The following NEMP2 variants were observed in gnomAD, a reference collection of about 807,000 sequenced individuals.
NEMP2 encodes the protein nuclear envelope integral membrane protein 2.
NEMP2 carries 53 observed loss-of-function variants against 54.2 expected under a neutral mutation model. The observed-to-expected ratio is 0.98, with a 90% confidence interval of 0.78 to 1.23. The LOEUF is 1.23. Among genes scored for constraint, NEMP2 ranks in the 50% most tolerant of loss-of-function variants. NEMP2 has a pLI of 0.00. For missense variants in NEMP2, 455 were observed against 511.3 expected (o/e 0.89, Z 1.06); for synonymous variants, 197 against 190.3 (o/e 1.04, Z -0.29).
rs1690413586 is a variant in NEMP2, at chr2:190,512,797, A to G, written c.953+1656T>C. Among the ~76,000 whole-genome samples the G allele has an allele frequency of 6.6e-6, 1 of 152,048 alleles. No individual in the cohort carries two copies. The highest frequency in any genetic ancestry group is 6.5e-5 in the Admixed American group (1 of 15,272). On this transcript the variant is annotated intron_variant, in intron 7 of 8. Coordinates refer to ENST00000409150, the MANE Select transcript of NEMP2 (RefSeq NM_001142645.2). This position sits in a 1 kb window ranked among gnomAD's most constrained non-coding sequence, Gnocchi z 4.5. ...CCTCGGGCAGATGGGGCAAAGAGAG[A>G]CCCAGTCAGCATCAACCCTCCAACC...
Position 190,530,490 on chromosome 2 carries a change from G to C in NEMP2, c.97+4069C>G, listed in dbSNP as rs1439051188. 1.3e-5 allele frequency among the ~76,000 whole-genome samples: 2 copies of C among 152,166 alleles called. No homozygotes were observed. Among genetic ancestry groups the C allele is most frequent in the African/African-American group, 4.8e-5 (2 of 41,418 alleles). ...CTTCAAGTCAGTTCATTAAGCCACG[G>C]GCTATTTGGACTAGGCAAAAGACAG... On this transcript the variant is annotated intron_variant, in intron 1 of 8. Transcript: ENST00000409150. The surrounding 1 kb of genome is among the most constrained non-coding windows in gnomAD (Gnocchi z 4.6).
chr2:190,501,467 G>A (rs1430485975), downstream of NEMP2: 1 of 152,138 alleles, frequency 6.6e-6, no homozygotes, highest in Admixed American at 6.6e-5. Flanking sequence ...TCAAAGCAGA[G>A]GTTAACAGGA....
At chr2:190,636,945 T>C in the NEMP2 span, among the ~76,000 whole-genome samples, 2 of 152,172 alleles carry the variant, frequency 1.3e-5, no homozygotes, top group African/African-American at 4.8e-5. Context: ...CTTAAATCTT[T>C]TCGATGGCTC....
At chr2:190,428,703 G>C in the NEMP2 span, among the ~76,000 whole-genome samples, 4 of 151,450 alleles carry the variant, frequency 2.6e-5, no homozygotes, top group Non-Finnish European at 5.9e-5. Flanking sequence ...AGACAGAGTT[G>C]CACTCTTTCA....
At chr2:190,553,773 C>T in the NEMP2 span, among the ~76,000 whole-genome samples, 3 of 152,242 alleles carry the variant, frequency 2.0e-5, no homozygotes, top group Admixed American at 6.5e-5. Flanking sequence ...CTGAGTGCTC[C>T]GAGAGGCAGA....
chr2:190,431,038 G>A, the NEMP2 span, among the ~76,000 whole-genome samples: 13 of 116,092 alleles, frequency 1.1e-4, no homozygotes, highest in Non-Finnish European at 1.4e-4. The surrounding 1 kb of genome is among the most constrained non-coding windows in gnomAD (Gnocchi z 4.4). Flanking sequence ...GGTCGCGGCC[G>A]GGCAGAGGCG....
the NEMP2 span, among the ~76,000 whole-genome samples, chr2:190,600,305 CAGTAG>C: frequency 5.3e-5 from 8 of 152,124 alleles, no homozygotes; most frequent in African/African-American, 1.9e-4. The surrounding 1 kb of genome is among the most constrained non-coding windows in gnomAD (Gnocchi z 4.9). Flanking sequence ...AAAGGGGACT[CAGTAG>C]AGTAGAGTAC....
At chr2:190,638,712 G>T in the NEMP2 span, among the ~76,000 whole-genome samples, 6 of 152,306 alleles carry the variant, frequency 3.9e-5, no homozygotes, top group Non-Finnish European at 7.4e-5. This position sits in a 1 kb window ranked among gnomAD's most constrained non-coding sequence, Gnocchi z 5.7. Flanking sequence ...GGTGAGGGCA[G>T]CTTTGAGTGG....
the NEMP2 span, among the ~76,000 whole-genome samples, chr2:190,457,529 G>A: frequency 6.6e-6 from 1 of 152,160 alleles, no homozygotes; most frequent in Non-Finnish European, 1.5e-5. This position sits in a 1 kb window ranked among gnomAD's most constrained non-coding sequence, Gnocchi z 5.1. Context: ...GATAGCAGTT[G>A]CTGGGATCTA....
At chr2:190,561,282 C>T in the NEMP2 span, among the ~76,000 whole-genome samples, 2 of 152,196 alleles carry the variant, frequency 1.3e-5, no homozygotes, top group Non-Finnish European at 2.9e-5. The surrounding 1 kb of genome is among the most constrained non-coding windows in gnomAD (Gnocchi z 5.4). Context: ...TTAACCCTGT[C>T]TCAGATAGGG....
At chr2:190,459,351 CTT>C in the NEMP2 span, among the ~76,000 whole-genome samples, 1 of 152,178 alleles carries the variant, frequency 6.6e-6, no homozygotes, top group Non-Finnish European at 1.5e-5. This position sits in a 1 kb window ranked among gnomAD's most constrained non-coding sequence, Gnocchi z 5.3. Context: ...AAGTAAAACT[CTT>C]GAGGCCTTTT....
chr2:190,476,871 G>C, the NEMP2 span, among the ~76,000 whole-genome samples: 1 of 152,052 alleles, frequency 6.6e-6, no homozygotes, highest in Admixed American at 6.5e-5. Flanking sequence ...GTACTATGCA[G>C]CCATAAAAAA....
In NEMP2 at chr2:190,519,303, C is replaced by A; in HGVS notation, c.214-120G>T. ...GTGGCAGGATCTCTGCTCACTGCAACCTGTGCCTCCAGGGCTCAGGTGACC... is the reference window on the plus strand; with the variant it reads ...GTGGCAGGATCTCTGCTCACTGCAAACTGTGCCTCCAGGGCTCAGGTGACC... On this transcript the variant is annotated intron_variant, in intron 2 of 8. Transcript: ENST00000409150. The surrounding 1 kb of genome is among the most constrained non-coding windows in gnomAD (Gnocchi z 5.4). The A allele has an allele frequency of 1.4e-6, 1 of 693,616 alleles. No individual in the cohort carries two copies. Among genetic ancestry groups the A allele is most frequent in the Non-Finnish European group, 2.4e-6 (1 of 419,140 alleles). The allele number at this position is 693,616 out of a possible 1,614,324, so 43.0% of individuals were successfully genotyped here. A position where few individuals can be genotyped will look rare whatever the true frequency, so the allele number is the denominator to read the frequency against.
At position 190,533,971 on chromosome 2, in the gene NEMP2, G is replaced by T; in HGVS notation, c.97+588C>A. 1 of 985,202 alleles carries T rather than the reference G, an allele frequency of 1.0e-6. No homozygotes were observed. Among genetic ancestry groups the T allele is most frequent in the Non-Finnish European group, 1.2e-6 (1 of 829,846 alleles). The allele number at this position is 985,202 out of a possible 1,614,324, so 61.0% of individuals were successfully genotyped here. On this transcript the variant is annotated intron_variant, in intron 1 of 8. Transcript: ENST00000409150. The surrounding 1 kb of genome is among the most constrained non-coding windows in gnomAD (Gnocchi z 4.3). ...TCTTGCTTCCTGTGTGCCAGGCATT[G>T]TGCACACGAACACCACAAGAACCTT...
chr2:190,620,270 C>A, the NEMP2 span: 1 of 152,114 alleles, frequency 6.6e-6, no homozygotes. This position sits in a 1 kb window ranked among gnomAD's most constrained non-coding sequence, Gnocchi z 4.9. Flanking sequence ...TTGCATACTA[C>A]AAGCATAAGG....
At chr2:190,590,743 C>G in the NEMP2 span, among the ~76,000 whole-genome samples, 2 of 152,156 alleles carry the variant, frequency 1.3e-5, no homozygotes, top group Non-Finnish European at 2.9e-5. This position sits in a 1 kb window ranked among gnomAD's most constrained non-coding sequence, Gnocchi z 5.1. Context: ...ATGGCAACTC[C>G]AAGCCAGTCT....
chr2:190,576,180 A>C, the NEMP2 span, among the ~76,000 whole-genome samples: 1 of 152,080 alleles, frequency 6.6e-6, no homozygotes, highest in Non-Finnish European at 1.5e-5. Flanking sequence ...TATGCTGCCC[A>C]AGCTAGTCTT....
chr2:190,427,416 G>A, the NEMP2 span, among the ~76,000 whole-genome samples: 1 of 152,226 alleles, frequency 6.6e-6, no homozygotes, highest in Non-Finnish European at 1.5e-5. Context: ...TGCAGTCGAA[G>A]TTATTATCTA....
chr2:190,620,025 G>A, the NEMP2 span, among the ~76,000 whole-genome samples: 2 of 152,262 alleles, frequency 1.3e-5, no homozygotes, highest in African/African-American at 4.8e-5. The surrounding 1 kb of genome is among the most constrained non-coding windows in gnomAD (Gnocchi z 4.9). Flanking sequence ...TCTGTAAATC[G>A]ATGCTGTATC....
Sources: allele counts gnomAD v4.1 joint callset (sites outside exome capture counted in the v4.1 genomes callset), GRCh38; gene constraint gnomAD v4.1.1; non-coding constraint Gnocchi (gnomAD v3.1); transcripts MANE v1.5; gene names NCBI Gene and HGNC (gene_info 2026-07-23, HGNC 2026-07-21).